Variants in HNF1A observed in about 807,000 individuals in gnomAD.
The protein encoded by HNF1A is hepatocyte nuclear factor 1-alpha.
HNF1A carries 21 observed loss-of-function variants against 62.2 expected under a neutral mutation model. The ratio of observed to expected loss-of-function variants is 0.34; its 90% CI spans 0.24 to 0.49. The LOEUF (loss-of-function observed/expected upper bound fraction) is 0.49. HNF1A is among the 20% of genes least tolerant of loss of function. The probability of loss-of-function intolerance (pLI) is 0.99; values close to 1 mark genes in which losing one functional copy is unlikely to be tolerated. For synonymous variants in HNF1A, 374 were observed against 366.8 expected, an observed-to-expected ratio of 1.02 and a Z score of -0.22; for missense variants, 687 against 832.3, an observed-to-expected ratio of 0.83 and a Z score of 2.15.
intron 1 of HNF1A, among the ~76,000 whole-genome samples, chr12:120,988,470 A>G (rs1390325707): frequency 1.3e-5 from 2 of 152,120 alleles, no homozygotes; most frequent in African/African-American, 2.4e-5. Flanking sequence ...CCATTCATCC[A>G]TTCATCCATT....
rs758875084 is a variant in HNF1A, at chr12:120,996,684, T to A, written c.1251T>A (p.Gly417=). ...SLPGVMTIGP[G]EPASLGPTFT... is the part of the protein sequence containing the mutation. Reference sequence around the variant, plus strand: ...CTGGGGTCATGACCATCGGGCCTGGTGAGCCTGCCTCCCTGGGTCCTACGT... The same window carrying A: ...CTGGGGTCATGACCATCGGGCCTGGAGAGCCTGCCTCCCTGGGTCCTACGT... Residue 417 remains glycine (G), a synonymous_variant, in exon 6 of 10, where the codon GGT becomes GGA. Transcript: ENST00000257555. This position sits in a 1 kb window ranked among gnomAD's most constrained non-coding sequence, Gnocchi z 4.5. The A allele has an allele frequency of 2.5e-6, 4 of 1,614,058 alleles. No individual in the cohort carries two copies. In the South Asian group the frequency reaches 4.4e-5, roughly 18 times the overall value.
rs1477284415 is a variant in HNF1A at position 121,002,099 on chromosome 12, T to C, written c.*907T>C. 1 of 534,330 alleles carries C rather than the reference T, an allele frequency of 1.9e-6. No individual in the cohort carries two copies. The highest frequency in any genetic ancestry group is 1.5e-5 in the South Asian group (1 of 64,998). The allele number at this position is 534,330 out of a possible 1,614,324, so 33.1% of individuals were successfully genotyped here. A position where few individuals can be genotyped will look rare whatever the true frequency, so the allele number is the denominator to read the frequency against. ...TGCCCTTGTTTGGGGCAGGAGTAGC[T>C]GAGCTCACAAGGCAGCAAGGCCCGA... On this transcript the variant is annotated 3_prime_UTR_variant, in exon 10 of 10. Transcript: ENST00000257555.
At chr12:120,990,002 T>C (rs983378210) in intron 2 of HNF1A, among the ~76,000 whole-genome samples, 5 of 152,080 alleles carry the variant, frequency 3.3e-5, no homozygotes, top group Admixed American at 6.6e-5. Flanking sequence ...GGGAGCCCTA[T>C]TACTCAGGGA....
intron 2 of HNF1A, among the ~76,000 whole-genome samples, chr12:120,990,651 G>GATA (rs1565884519): frequency 7.9e-4 from 79 of 99,588 alleles, no homozygotes; most frequent in Non-Finnish European, 1.3e-3. Flanking sequence ...AGGGAGGAAA[G>GATA]GTAGGAAAGG....
chr12:121,001,575 A>G lies in HNF1A; in HGVS notation c.*383A>G, dbSNP rs1877487375. On this transcript the variant is annotated 3_prime_UTR_variant, in exon 10 of 10. Transcript: ENST00000257555. ...ACCGCTACACCACTCTGGCAGCCAC[A>G]CTTCTCAGGACACAGGCCTGTGTAG... The G allele has an allele frequency of 6.8e-6, 3 of 439,054 alleles. No homozygotes were observed. Among genetic ancestry groups the G allele is most frequent in the Non-Finnish European group, 1.3e-5 (3 of 231,270 alleles). The allele number at this position is 439,054 out of a possible 1,614,324, so 27.2% of individuals were successfully genotyped here. A position where few individuals can be genotyped will look rare whatever the true frequency, so the allele number is the denominator to read the frequency against.
rs371807951 is a variant in HNF1A at position 120,997,665 on chromosome 12, G to A, written c.1501G>A (p.Ala501Thr). Reference sequence around the variant, plus strand: ...CATGGCTCAGCTGCAGAGCCCCCACGGTGAGCGCCCTGTGCCCCACACAGC... The same window carrying A: ...CATGGCTCAGCTGCAGAGCCCCCACAGTGAGCGCCCTGTGCCCCACACAGC... ...ATMAQLQSPH[A>T]LYSHKPEVAQ... Residue 501 changes from alanine to threonine, a missense_variant and splice_region_variant, in exon 7 of 10, where the codon GCC becomes ACC. Ala to Thr is a moderately conservative substitution (Grantham distance 58). Around this residue, in one of 5 missense-constraint regions of HNF1A, gnomAD observed 408 missense variants for 455.3 expected, o/e 0.90. Transcript: ENST00000257555. 8.1e-6 allele frequency: 13 copies of A among 1,609,636 alleles called. 1 individual carries two copies. The highest frequency in any genetic ancestry group is 2.2e-5 in the South Asian group (2 of 90,284).
chr12:120,997,113 C>T, intron 6 of HNF1A: 1 of 1,403,856 alleles, frequency 7.1e-7, no homozygotes, highest in Non-Finnish European at 9.3e-7. Flanking sequence ...TATGCAGAAG[C>T]CCAGTACATA....
rs1421669135 is a variant in HNF1A at position 121,001,736 on chromosome 12, A to G, written c.*544A>G. On this transcript the variant is annotated 3_prime_UTR_variant, in exon 10 of 10. Transcript: ENST00000257555. ...ACATGCCATTTGTACTGACCCCATCACCTACTCACACAGGCATTTCCTGGG... is the reference window on the plus strand; with the variant it reads ...ACATGCCATTTGTACTGACCCCATCGCCTACTCACACAGGCATTTCCTGGG... The G allele has an allele frequency of 1.5e-5, 8 of 529,790 alleles. No individual in the cohort carries two copies. The highest frequency in any genetic ancestry group is 1.2e-4 in the South Asian group (8 of 64,236). 32.8% of individuals were successfully genotyped at this position (529,790 alleles called of 1,614,324 possible). A position where few individuals can be genotyped will look rare whatever the true frequency, so the allele number is the denominator to read the frequency against.
intron 9 of HNF1A, 51 bp downstream of exon 9, chr12:120,999,678 T>A (rs777958585): frequency 6.3e-7 from 1 of 1,576,096 alleles, no homozygotes; most frequent in Admixed American, 1.7e-5. Context: ...CCCCCTTCCA[T>A]GTTGGTCCCA....
Position 121,001,712 on chromosome 12 carries a change from C to T in HNF1A, c.*520C>T, listed in dbSNP as rs1460695856. 1 of 498,118 alleles carries T rather than the reference C, an allele frequency of 2.0e-6. No homozygotes were observed. The highest frequency in any genetic ancestry group is 1.9e-5 in the African/African-American group (1 of 52,558). The allele number at this position is 498,118 out of a possible 1,614,324, so 30.9% of individuals were successfully genotyped here. ...CCAACTCCTTCCAGCTAGTGACCCA[C>T]ATGCCATTTGTACTGACCCCATCAC... On this transcript the variant is annotated 3_prime_UTR_variant, in exon 10 of 10. Transcript: ENST00000257555.
At position 121,001,872 on chromosome 12, in the gene HNF1A, C is replaced by G; in HGVS notation, c.*680C>G. On this transcript the variant is annotated 3_prime_UTR_variant, in exon 10 of 10. Transcript: ENST00000257555. ...GGCTTCCCATCCCCAGCGATTCCCT[C>G]TCCCAGGCCCCATGACCTCCAGCTT... 1.9e-6 allele frequency: 1 copy of G among 517,772 alleles called. No homozygotes were observed. The highest frequency in any genetic ancestry group is 3.7e-6 in the Non-Finnish European group (1 of 266,722). 32.1% of individuals were successfully genotyped at this position (517,772 alleles called of 1,614,324 possible). A position where few individuals can be genotyped will look rare whatever the true frequency, so the allele number is the denominator to read the frequency against.
At position 120,997,604 on chromosome 12, in the gene HNF1A, G is replaced by A; in HGVS notation, c.1440G>A (p.Val480=). Residue 480 remains valine, a synonymous_variant, in exon 7 of 10, where the codon GTG becomes GTA. Coordinates refer to ENST00000257555, the MANE Select transcript of HNF1A (RefSeq NM_000545.8). ...ACCAGCAGCCGCTCATGCCACCTGT[G>A]CAGAGCCATGTGACCCAGAGCCCCT... is the stretch of plus-strand genomic sequence containing the variant. ...PSYQQPLMPP[V]QSHVTQSPFM... The A allele has an allele frequency of 6.2e-7, 1 of 1,613,722 alleles. No individual in the cohort carries two copies. The highest frequency in any genetic ancestry group is 1.3e-5 in the African/African-American group (1 of 75,060).
At position 120,996,282 on chromosome 12, in the gene HNF1A, G is replaced by A. The variant is rs1047012873; in HGVS notation, c.976G>A (p.Ala326Thr). ...KVHGVRYGQP[A>T]TSETAEVPSS... ...TCCAGGTGTGCGCTATGGACAGCCT[G>A]CGACCAGTGAGACTGCAGAAGTACC... Residue 326 changes from alanine to threonine, a missense_variant, in exon 5 of 10, where the codon GCG becomes ACG. Around this residue, in one of 5 missense-constraint regions of HNF1A, gnomAD observed 408 missense variants for 455.3 expected, o/e 0.90. Coordinates refer to ENST00000257555, the MANE Select transcript of HNF1A (RefSeq NM_000545.8). This position sits in a 1 kb window ranked among gnomAD's most constrained non-coding sequence, Gnocchi z 4.5. The A allele has an allele frequency of 6.2e-7, 1 of 1,614,046 alleles. No individual in the cohort carries two copies. Among genetic ancestry groups the A allele is most frequent in the African/African-American group, 1.3e-5 (1 of 74,930 alleles).
At chr12:120,997,425 G>T (rs377513149) in intron 6 of HNF1A, 49 bp from the exon 7 acceptor site, 1 of 1,549,464 alleles carries the variant, frequency 6.5e-7, no homozygotes, top group Non-Finnish European at 8.7e-7. Context: ...TTGGGCAGGG[G>T]TGGGATATAA....
intron 9 of HNF1A, 25 bp downstream of exon 9, chr12:120,999,652 T>C (rs2135851769): frequency 6.3e-7 from 1 of 1,597,146 alleles, no homozygotes; most frequent in Non-Finnish European, 8.5e-7. Context: ...CTCCACCCCC[T>C]CCCTTACTGT....
At chr12:120,988,752 G>A (rs1006977456) in intron 1 of HNF1A, 81 bp from the exon 2 acceptor site, 2 of 1,326,916 alleles carry the variant, frequency 1.5e-6, no homozygotes, top group Non-Finnish European at 2.1e-6. Context: ...GGTTGACAAG[G>A]TTCCAGCACC....
intron 1 of HNF1A, among the ~76,000 whole-genome samples, chr12:120,988,277 AATCC>A (rs1425386972): frequency 6.6e-5 from 7 of 106,042 alleles, no homozygotes; most frequent in African/African-American, 2.6e-4. Flanking sequence ...CCCACCCACC[AATCC>A]ATCCATCCAT....
chr12:120,989,949 G>T (rs1335572897), intron 2 of HNF1A, among the ~76,000 whole-genome samples: 1 of 152,008 alleles, frequency 6.6e-6, no homozygotes, highest in African/African-American at 2.4e-5. Flanking sequence ...CAGAGGCAAG[G>T]TCTACGGTCA....
intron 1 of HNF1A, among the ~76,000 whole-genome samples, chr12:120,982,109 C>T (rs1440045956): frequency 1.3e-5 from 2 of 151,654 alleles, no homozygotes; most frequent in Non-Finnish European, 3.0e-5. Flanking sequence ...CTCACTCTGT[C>T]GGCCCGGCTG....
Sources: gnomAD v4.1 joint callset for allele counts (sites outside exome capture counted in the v4.1 genomes callset) on GRCh38, gnomAD v4.1.1 for gene constraint, gnomAD v4.1.1 regional missense constraint, Gnocchi (gnomAD v3.1) non-coding constraint, MANE v1.5 for transcripts, NCBI Gene and HGNC (gene_info 2026-07-23, HGNC 2026-07-21) for gene names.